The following VWC2L variants were observed in gnomAD, a reference collection of about 807,000 sequenced individuals.
VWC2L encodes von Willebrand factor C domain containing 2 like.
Under a neutral mutation model 21.6 loss-of-function variants are expected in VWC2L, and 10 were observed. The observed-to-expected ratio is 0.46, with a 90% CI of 0.29 to 0.78. The LOEUF (loss-of-function observed/expected upper bound fraction) is 0.78. Among genes scored for constraint, VWC2L ranks in the 30% least tolerant of loss-of-function variants. The pLI is 0.10. For missense variants in VWC2L, 209 were observed against 277.1 expected, an observed-to-expected ratio of 0.75 and a Z score of 1.74; for synonymous variants, 96 against 94.3, an observed-to-expected ratio of 1.02 and a Z score of -0.10.
chr2:214,561,560 G>A (rs758053985), intron 3 of VWC2L, among the ~76,000 whole-genome samples: 6 of 151,858 alleles, frequency 4.0e-5, no homozygotes, highest in Non-Finnish European at 5.9e-5. Context: ...CCAATTGCTC[G>A]AATCCAGGAG....
At chr2:214,546,783 G>A (rs1264437753) in intron 3 of VWC2L, among the ~76,000 whole-genome samples, 2 of 152,114 alleles carry the variant, frequency 1.3e-5, no homozygotes, top group Non-Finnish European at 2.9e-5. Context: ...AGTGACATGA[G>A]TGAAATGAAA....
chr2:214,464,210 G>A (rs1703183801), intron 3 of VWC2L, among the ~76,000 whole-genome samples: 1 of 151,998 alleles, frequency 6.6e-6, no homozygotes, highest in Non-Finnish European at 1.5e-5. Context: ...TTATGCTTGT[G>A]GATGTTCGTT....
At chr2:214,439,757 C>A (rs1309277709) in intron 3 of VWC2L, among the ~76,000 whole-genome samples, 1 of 151,556 alleles carries the variant, frequency 6.6e-6, no homozygotes, top group Non-Finnish European at 1.5e-5. Context: ...TCCATCACAC[C>A]TAACCTTATA....
intron 3 of VWC2L, among the ~76,000 whole-genome samples, chr2:214,504,805 C>T (rs1688945044): frequency 6.6e-6 from 1 of 152,046 alleles, no homozygotes; most frequent in South Asian, 2.1e-4. Context: ...GATGTGATTC[C>T]CATTTTACAC....
chr2:214,447,569 C>T (rs771446454), intron 3 of VWC2L, among the ~76,000 whole-genome samples: 26 of 152,088 alleles, frequency 1.7e-4, no homozygotes, highest in Non-Finnish European at 3.7e-4. Context: ...ACCACCATAC[C>T]CTGAACTGGT....
At chr2:214,499,009 C>CTTTTTTTTTT (rs56085205) in intron 3 of VWC2L, among the ~76,000 whole-genome samples, 23 of 83,422 alleles carry the variant, frequency 2.8e-4, no homozygotes, top group African/African-American at 1.4e-3. Context: ...TCGTACCATT[C>CTTTTTTTTTT]TTTTTTTTTT....
At position 214,527,064 on chromosome 2, in the gene VWC2L, G is replaced by A. The variant is rs537488698; in HGVS notation, c.521-48608G>A. On this transcript the variant is annotated intron_variant, in intron 3 of 3. Transcript: ENST00000312504. ...CGTATACACCATAGAATACTACACA[G>A]CCATAAAAAAGAACAACATTGTGTT... 2.2e-4 allele frequency among the ~76,000 whole-genome samples: 34 copies of A among 152,224 alleles called. 1 individual carries two copies. The South Asian group carries it at 7.0e-3, about 32-fold the overall frequency.
intron 3 of VWC2L, among the ~76,000 whole-genome samples, chr2:214,571,739 T>A (rs557653119): frequency 6.6e-6 from 1 of 152,318 alleles, no homozygotes; most frequent in African/African-American, 2.4e-5. Context: ...TCTTTCATTC[T>A]TTCATTCACA....
At chr2:214,575,101 C>G (rs1364855317) in intron 3 of VWC2L, among the ~76,000 whole-genome samples, 1 of 148,240 alleles carries the variant, frequency 6.7e-6, no homozygotes, top group African/African-American at 2.5e-5. Flanking sequence ...ATCAAATGAA[C>G]CTCTAACAAA....
At chr2:214,565,972 A>G (rs1203223589) in intron 3 of VWC2L, among the ~76,000 whole-genome samples, 2 of 152,134 alleles carry the variant, frequency 1.3e-5, no homozygotes, top group Non-Finnish European at 2.9e-5. Context: ...TTTTACTCCT[A>G]TCTCTTTGAA....
intron 3 of VWC2L, among the ~76,000 whole-genome samples, chr2:214,547,809 CTT>C (rs1238912566): frequency 2.0e-5 from 3 of 152,122 alleles, no homozygotes; most frequent in East Asian, 1.9e-4. Flanking sequence ...CTTGCGATGA[CTT>C]TATCAATTCT....
intron 3 of VWC2L, among the ~76,000 whole-genome samples, chr2:214,566,157 A>C (rs1690059413): frequency 6.6e-6 from 1 of 152,230 alleles, no homozygotes; most frequent in Non-Finnish European, 1.5e-5. Context: ...CATTCAAAGC[A>C]AAAACTAAGC....
intron 3 of VWC2L, chr2:214,525,367 C>T (rs1246958844): frequency 6.6e-6 from 1 of 152,078 alleles, no homozygotes; most frequent in Non-Finnish European, 1.5e-5. Flanking sequence ...ACAGAGTATA[C>T]AAAATATTAC....
chr2:214,455,345 G>C (rs558542178), intron 3 of VWC2L, among the ~76,000 whole-genome samples: 1 of 152,254 alleles, frequency 6.6e-6, no homozygotes, highest in South Asian at 2.1e-4. Flanking sequence ...TGGTCATAAA[G>C]TTGTTAATAA....
At chr2:214,488,371 G>A (rs932187574) in intron 3 of VWC2L, among the ~76,000 whole-genome samples, 2 of 152,204 alleles carry the variant, frequency 1.3e-5, no homozygotes, top group African/African-American at 2.4e-5. Flanking sequence ...GCCAAGGCAG[G>A]TAGATTGCTT....
rs1044330508 is a variant in VWC2L at position 214,518,174 on chromosome 2, A to G, written c.521-57498A>G. ...GAGCAAGACTCTGTCTCAAAAAAAAAAAAATGAATTAGTACTGTATGTCAA... is the reference window on the plus strand; with the variant it reads ...GAGCAAGACTCTGTCTCAAAAAAAAGAAAATGAATTAGTACTGTATGTCAA... On this transcript the variant is annotated intron_variant, in intron 3 of 3. Coordinates refer to ENST00000312504, the MANE Select transcript of VWC2L (RefSeq NM_001080500.4). Among the ~76,000 whole-genome samples, 20 of 152,306 alleles carry G rather than the reference A, an allele frequency of 1.3e-4. No individual in the cohort carries two copies. In the East Asian group the frequency reaches 3.5e-3, roughly 26 times the overall value.
intron 3 of VWC2L, among the ~76,000 whole-genome samples, chr2:214,486,442 C>T (rs979599685): frequency 6.6e-6 from 1 of 152,178 alleles, no homozygotes; most frequent in Admixed American, 6.5e-5. Flanking sequence ...TATTCATATG[C>T]ACCTTAATTC....
Position 214,425,894 on chromosome 2 carries a change from G to A in VWC2L, c.391-10735G>A, listed in dbSNP as rs191679682. Among the ~76,000 whole-genome samples, 14 of 152,102 alleles carry A rather than the reference G, an allele frequency of 9.2e-5. No homozygotes were observed. In the East Asian group the frequency reaches 1.2e-3, roughly 13 times the overall value. On this transcript the variant is annotated intron_variant, in intron 2 of 3. Coordinates refer to ENST00000312504, the MANE Select transcript of VWC2L (RefSeq NM_001080500.4). ...CTCAGATGAAGAAAGAATTCAGATC[G>A]GGCACGGTGGCTCACCCCTGTAAAA...
chr2:214,447,794 G>A (rs558505462), intron 3 of VWC2L, among the ~76,000 whole-genome samples: 7 of 152,120 alleles, frequency 4.6e-5, no homozygotes, highest in South Asian at 4.1e-4. Context: ...GATTCCCTCC[G>A]TCTAAACCTT....
Sources: allele counts gnomAD v4.1 joint callset (sites outside exome capture counted in the v4.1 genomes callset), GRCh38; gene constraint gnomAD v4.1.1; transcripts MANE v1.5; gene names NCBI Gene and HGNC (gene_info 2026-07-23, HGNC 2026-07-21).